Variants in CENPW observed in about 807,000 individuals in gnomAD.
CENPW encodes the protein cancer-up-regulated gene 2 protein.
A neutral mutation model predicts 11.1 loss-of-function variants in CENPW; 3 were observed. The ratio of observed to expected loss-of-function variants is 0.27; its 90% CI spans 0.12 to 0.70. The LOEUF (loss-of-function observed/expected upper bound fraction) is 0.70, where lower values mean the gene tolerates loss of function less well. Ranked by LOEUF, CENPW falls within the 30% of genes least tolerant of loss-of-function variation. The probability of loss-of-function intolerance (pLI) is 0.77; values close to 1 mark genes in which losing one functional copy is unlikely to be tolerated. For missense variants in CENPW, 100 were observed against 105.6 expected, an observed-to-expected ratio of 0.95 and a Z score of 0.23; for synonymous variants, 38 against 42.0, an observed-to-expected ratio of 0.91 and a Z score of 0.37.
chr6:126,440,641 T>A, the CENPW span, among the ~76,000 whole-genome samples: 1 of 151,554 alleles, frequency 6.6e-6, no homozygotes, highest in Admixed American at 6.6e-5. Flanking sequence ...AAACTGAACA[T>A]GTATCTGCAA....
At chr6:126,451,121 A>T in the CENPW span, among the ~76,000 whole-genome samples, 1 of 151,046 alleles carries the variant, frequency 6.6e-6, no homozygotes, top group Non-Finnish European at 1.5e-5. Flanking sequence ...GAATGGGATT[A>T]ATATTAGGAG....
At chr6:126,462,530 T>TCACACACA in the CENPW span, among the ~76,000 whole-genome samples, 101 of 144,026 alleles carry the variant, frequency 7.0e-4, no homozygotes, top group African/African-American at 2.1e-3. Context: ...TCTCTCTCTC[T>TCACACACA]CTCACACACA....
chr6:126,449,751 A>C, the CENPW span, among the ~76,000 whole-genome samples: 1 of 151,088 alleles, frequency 6.6e-6, no homozygotes, highest in Non-Finnish European at 1.5e-5. Flanking sequence ...ATAATTTCCT[A>C]TCCATCAAGC....
At chr6:126,436,090 A>G in the CENPW span, among the ~76,000 whole-genome samples, 19 of 151,852 alleles carry the variant, frequency 1.3e-4, no homozygotes, top group African/African-American at 4.6e-4. Flanking sequence ...TTATAATGAC[A>G]GAAAAATATT....
the CENPW span, among the ~76,000 whole-genome samples, chr6:126,375,585 CT>C: frequency 3.2e-4 from 48 of 151,934 alleles, no homozygotes; most frequent in Admixed American, 5.9e-4. Flanking sequence ...CACATATTGC[CT>C]TTTTTTTCCC....
the CENPW span, among the ~76,000 whole-genome samples, chr6:126,482,610 C>T: frequency 3.2e-4 from 49 of 151,980 alleles, no homozygotes; most frequent in African/African-American, 9.1e-4. Flanking sequence ...ATCAAAAAGA[C>T]ATCCTTTATA....
the CENPW span, among the ~76,000 whole-genome samples, chr6:126,443,528 T>A: frequency 6.6e-6 from 1 of 151,358 alleles, no homozygotes; most frequent in African/African-American, 2.4e-5. Flanking sequence ...TCTTAGATCC[T>A]TTATTTCATT....
chr6:126,480,648 A>G, the CENPW span, among the ~76,000 whole-genome samples: 14 of 152,136 alleles, frequency 9.2e-5, no homozygotes, highest in Non-Finnish European at 1.2e-4. Context: ...ACATCCCAAA[A>G]TGCTGGAGGA....
the CENPW span, among the ~76,000 whole-genome samples, chr6:126,379,495 C>G: frequency 5.3e-5 from 8 of 152,138 alleles, no homozygotes. Flanking sequence ...CAGCCTGGCC[C>G]TTTAGGTGAA....
the CENPW span, among the ~76,000 whole-genome samples, chr6:126,363,838 A>C: frequency 6.6e-6 from 1 of 152,198 alleles, no homozygotes; most frequent in African/African-American, 2.4e-5. Flanking sequence ...ATTAAAACCA[A>C]TGTCCAATTT....
the CENPW span, among the ~76,000 whole-genome samples, chr6:126,423,727 AG>A: frequency 6.6e-6 from 1 of 152,044 alleles, no homozygotes; most frequent in Non-Finnish European, 1.5e-5. Flanking sequence ...TATTGGTAAA[AG>A]GCAAAATGTA....
the CENPW span, among the ~76,000 whole-genome samples, chr6:126,379,983 C>T: frequency 2.0e-5 from 3 of 152,168 alleles, no homozygotes; most frequent in African/African-American, 7.2e-5. Flanking sequence ...CAAGGTTTGG[C>T]AGCTGATAAA....
chr6:126,355,990 A>G, the CENPW span, among the ~76,000 whole-genome samples: 2 of 152,178 alleles, frequency 1.3e-5, no homozygotes, highest in African/African-American at 4.8e-5. Context: ...AACTGTAAGG[A>G]TAACAATCCA....
At chr6:126,352,201 A>G (rs752004411), downstream of CENPW, among the ~76,000 whole-genome samples, 1 of 152,142 alleles carries the variant, frequency 6.6e-6, no homozygotes, top group Non-Finnish European at 1.5e-5. Context: ...CTGTTTTCTT[A>G]CTACAACTTA....
At chr6:126,470,443 C>A in the CENPW span, among the ~76,000 whole-genome samples, 1 of 152,210 alleles carries the variant, frequency 6.6e-6, no homozygotes. Flanking sequence ...CCTAGATGTC[C>A]AGGAAGAAGT....
the CENPW span, among the ~76,000 whole-genome samples, chr6:126,393,261 AT>A: frequency 2.3e-4 from 35 of 151,254 alleles, no homozygotes; most frequent in African/African-American, 8.2e-4. Context: ...GATTATTTGC[AT>A]TTTTTTGTTT....
chr6:126,392,568 G>A, the CENPW span, among the ~76,000 whole-genome samples: 584 of 151,998 alleles, frequency 3.8e-3, 3 homozygotes, highest in African/African-American at 0.014. Flanking sequence ...ATGATCATAT[G>A]GTTTTAGTCC....
the CENPW span, among the ~76,000 whole-genome samples, chr6:126,409,261 T>C: frequency 6.6e-5 from 10 of 152,274 alleles, no homozygotes; most frequent in East Asian, 1.7e-3. Flanking sequence ...TTGATTTCAG[T>C]TTTAGTTCAC....
At chr6:126,473,517 T>C in the CENPW span, among the ~76,000 whole-genome samples, 1 of 151,796 alleles carries the variant, frequency 6.6e-6, no homozygotes. Context: ...GGATCATCTG[T>C]GGTCAGGAGT....
Sources: allele counts gnomAD v4.1 joint callset (sites outside exome capture counted in the v4.1 genomes callset), GRCh38; gene constraint gnomAD v4.1.1; transcripts MANE v1.5; gene names NCBI Gene and HGNC (gene_info 2026-07-23, HGNC 2026-07-21).